The following MCPH1 variants were observed in gnomAD, a reference collection of about 807,000 sequenced individuals.
MCPH1 encodes microcephalin 1.
Under a neutral mutation model 84.5 loss-of-function variants are expected in MCPH1, and 104 were observed. The ratio of observed to expected loss-of-function variants is 1.23; its 90% confidence interval spans 1.05 to 1.45. MCPH1 has a LOEUF of 1.45. MCPH1 is among the 40% of genes most tolerant of loss of function. The pLI is 0.00. For synonymous variants in MCPH1, 514 were observed against 366.8 expected (o/e 1.40, Z -4.58); for missense variants, 1,498 against 1,005.7 (o/e 1.49, Z -6.62).
At chr8:6,443,069 C>T (rs182642378) in intron 7 of MCPH1, among the ~76,000 whole-genome samples, 1 of 152,278 alleles carries the variant, frequency 6.6e-6, no homozygotes, top group East Asian at 1.9e-4. Flanking sequence ...GTAGGCACTC[C>T]TCTAAGTGTC....
At chr8:6,625,503 A>C in intron 13 of MCPH1, 1 of 984,860 alleles carries the variant, frequency 1.0e-6, no homozygotes, top group East Asian at 1.1e-4. Flanking sequence ...AACCATTTTA[A>C]AGCACCAAAT....
chr8:6,444,445 C>G lies in MCPH1; in HGVS notation c.723C>G (p.Asn241Lys), dbSNP rs1803964433. Reference sequence around the variant, plus strand: ...CATCTTTTGATGATCTTTGTGGAAACTCAGGATGTGGAAATCAGGAAAGGA... The same window carrying G: ...CATCTTTTGATGATCTTTGTGGAAAGTCAGGATGTGGAAATCAGGAAAGGA... ...LHSSFDDLCG[N>K]SGCGNQERKL... The change falls in exon 8 of 14, where the codon AAC becomes AAG. Residue 241 changes from asparagine (N) to lysine (K), a missense_variant. Transcript: ENST00000344683. 1.9e-6 allele frequency: 3 copies of G among 1,614,112 alleles called. No individual in the cohort carries two copies. Among genetic ancestry groups the G allele is most frequent in the South Asian group, 1.1e-5 (1 of 91,072 alleles).
chr8:6,512,341 T>C (rs930904292), intron 12 of MCPH1, among the ~76,000 whole-genome samples: 2 of 152,158 alleles, frequency 1.3e-5, no homozygotes, highest in African/African-American at 2.4e-5. Flanking sequence ...ACTTTAACAT[T>C]GTGTCTCCTT....
chr8:6,413,226 C>T (rs182370514), intron 2 of MCPH1, among the ~76,000 whole-genome samples: 24 of 150,442 alleles, frequency 1.6e-4, no homozygotes, highest in Non-Finnish European at 3.2e-4. Flanking sequence ...CCATTGTTTT[C>T]TCAATTCCAG....
chr8:6,574,436 C>G (rs1220381446), intron 12 of MCPH1, among the ~76,000 whole-genome samples: 1 of 152,218 alleles, frequency 6.6e-6, no homozygotes, highest in East Asian at 1.9e-4. Flanking sequence ...ACTAGTTAAA[C>G]CTGCAGTGAC....
At chr8:6,519,085 G>T (rs368637220) in intron 12 of MCPH1, among the ~76,000 whole-genome samples, 1 of 152,130 alleles carries the variant, frequency 6.6e-6, no homozygotes, top group African/African-American at 2.4e-5. Context: ...CATATGCCTT[G>T]AAGTGAACTC....
chr8:6,428,624 T>C (rs1801402784), intron 3 of MCPH1, among the ~76,000 whole-genome samples: 2 of 152,262 alleles, frequency 1.3e-5, no homozygotes, highest in Admixed American at 1.3e-4. Flanking sequence ...ATATACGGCC[T>C]TCATGTCTGG....
At chr8:6,614,213 GT>G (rs1384764291) in intron 12 of MCPH1, among the ~76,000 whole-genome samples, 1 of 152,252 alleles carries the variant, frequency 6.6e-6, no homozygotes, top group Non-Finnish European at 1.5e-5. Flanking sequence ...CTAGGATATG[GT>G]TTTGGAGACG....
At chr8:6,490,052 C>G (rs1298805010) in intron 11 of MCPH1, among the ~76,000 whole-genome samples, 2 of 152,056 alleles carry the variant, frequency 1.3e-5, no homozygotes, top group Non-Finnish European at 2.9e-5. Flanking sequence ...TAACACAGGT[C>G]TTCAGTGTAG....
chr8:6,526,412 C>A (rs1017362831), intron 12 of MCPH1, among the ~76,000 whole-genome samples: 1 of 151,076 alleles, frequency 6.6e-6, no homozygotes, highest in Non-Finnish European at 1.5e-5. Context: ...CCAGCCAGGG[C>A]AACCAGAGTG....
intron 9 of MCPH1, among the ~76,000 whole-genome samples, 162 bp downstream of exon 9, chr8:6,455,414 G>A (rs180953766): frequency 1.6e-4 from 24 of 152,282 alleles, no homozygotes; most frequent in Admixed American, 3.3e-4. Context: ...AACTGAAAGC[G>A]TTGTTTGCAT....
chr8:6,471,717 T>A (rs567445951), intron 9 of MCPH1, among the ~76,000 whole-genome samples: 1 of 152,312 alleles, frequency 6.6e-6, no homozygotes, highest in East Asian at 1.9e-4. Flanking sequence ...GAAATCCTCT[T>A]CCCCTGGTGG....
rs1032166575 is a variant in MCPH1 at position 6,555,855 on chromosome 8, G to A, written c.2214+55926G>A. On this transcript the variant is annotated intron_variant, in intron 12 of 13. Coordinates refer to ENST00000344683, the MANE Select transcript of MCPH1 (RefSeq NM_024596.5). ...CTATTACAAGGTGGAATTTCTTATCGTTCCTTTACAAACAGGATATTCCCA... is the reference window on the plus strand; with the variant it reads ...CTATTACAAGGTGGAATTTCTTATCATTCCTTTACAAACAGGATATTCCCA... 4.6e-5 allele frequency among the ~76,000 whole-genome samples: 7 copies of A among 152,104 alleles called. No homozygotes were observed. The East Asian group carries it at 7.7e-4, about 17-fold the overall frequency.
chr8:6,516,339 A>T (rs994014917), intron 12 of MCPH1, among the ~76,000 whole-genome samples: 4 of 152,204 alleles, frequency 2.6e-5, no homozygotes, highest in Non-Finnish European at 5.9e-5. Context: ...ATAATTCTGC[A>T]TTTTTGAAAG....
intron 12 of MCPH1, among the ~76,000 whole-genome samples, chr8:6,610,466 G>A (rs1190912017): frequency 3.3e-5 from 5 of 152,174 alleles, no homozygotes; most frequent in Non-Finnish European, 7.3e-5. Context: ...GTCATTGCAT[G>A]CTGCTCTTTT....
chr8:6,598,694 T>C (rs957289667), intron 12 of MCPH1, among the ~76,000 whole-genome samples: 9 of 152,120 alleles, frequency 5.9e-5, no homozygotes, highest in Non-Finnish European at 1.3e-4. Context: ...ACGACAGGCG[T>C]GAGAAGGCCA....
At chr8:6,521,196 T>C in intron 12 of MCPH1, 2 of 1,613,142 alleles carry the variant, frequency 1.2e-6, no homozygotes, top group African/African-American at 1.3e-5. Context: ...GTGGACATCA[T>C]AGTCAGTAAG....
chr8:6,439,115 A>T lies in MCPH1; in HGVS notation c.580+19A>T. On this transcript the variant is annotated intron_variant, in intron 6 of 13. Transcript: ENST00000344683. Reference sequence around the variant, plus strand: ...CCCACCTGTAAGTAATTAGTTTGTAAAATGAAAATTATGCAAATAGCCGAT... The same window carrying T: ...CCCACCTGTAAGTAATTAGTTTGTATAATGAAAATTATGCAAATAGCCGAT... 1 of 1,609,704 alleles carries T rather than the reference A, an allele frequency of 6.2e-7. No homozygotes were observed. The highest frequency in any genetic ancestry group is 8.5e-7 in the Non-Finnish European group (1 of 1,177,574).
chr8:6,420,780 G>C lies in MCPH1; in HGVS notation c.233+5897G>C, dbSNP rs182252891. Among the ~76,000 whole-genome samples, 221 of 152,260 alleles carry C rather than the reference G, an allele frequency of 1.5e-3. 1 individual carries two copies. The Middle Eastern group carries it at 0.017, about 12-fold the overall frequency. The stretch of plus-strand genomic sequence containing the variant: ...GCAAATGTAACCCCTTTTGTTACCA[G>C]TGGAAGGTATCCAAGTTACCGGCAG... On this transcript the variant is annotated intron_variant, in intron 3 of 13. Transcript: ENST00000344683.
Sources: gnomAD v4.1 joint callset for allele counts (sites outside exome capture counted in the v4.1 genomes callset) on GRCh38, gnomAD v4.1.1 for gene constraint, MANE v1.5 for transcripts, NCBI Gene and HGNC (gene_info 2026-07-23, HGNC 2026-07-21) for gene names.